The following MDGA2 variants were observed in gnomAD, a reference collection of about 807,000 sequenced individuals.
The protein encoded by MDGA2 is MAM domain containing glycosylphosphatidylinositol anchor 2.
MDGA2 carries 40 observed loss-of-function variants against 117.8 expected under a neutral mutation model. That is an observed-to-expected ratio of 0.34 (90% CI 0.26 to 0.44). The LOEUF is 0.44. Among genes scored for constraint, MDGA2 ranks in the 20% least tolerant of loss-of-function variants. The pLI is 1.00. For missense variants in MDGA2, 1,123 were observed against 1,250.6 expected, an observed-to-expected ratio of 0.90 and a Z score of 1.54; for synonymous variants, 452 against 439.0, an observed-to-expected ratio of 1.03 and a Z score of -0.37.
rs369951747 is a variant in MDGA2, at chr14:47,046,859, T to G, written c.1526-11555A>C. On this transcript the variant is annotated intron_variant, in intron 7 of 16. Coordinates refer to ENST00000399232, the MANE Select transcript of MDGA2 (RefSeq NM_001113498.3). ...CTTGCCTACTTGCTCTTAGAAATGGTGCCATGATTTATCCAAATACACTTA... is the reference window on the plus strand; with the variant it reads ...CTTGCCTACTTGCTCTTAGAAATGGGGCCATGATTTATCCAAATACACTTA... Among the ~76,000 whole-genome samples the G allele has an allele frequency of 3.3e-4, 50 of 152,152 alleles. No homozygotes were observed. In the East Asian group the frequency reaches 4.8e-3, roughly 15 times the overall value.
At chr14:47,402,267 C>G (rs1892165446) in intron 1 of MDGA2, among the ~76,000 whole-genome samples, 1 of 150,266 alleles carries the variant, frequency 6.7e-6, no homozygotes, top group South Asian at 2.2e-4. Context: ...CTATGTTTCA[C>G]AAACCTTATT....
At chr14:47,381,436 T>A (rs919895409) in intron 1 of MDGA2, among the ~76,000 whole-genome samples, 1 of 152,196 alleles carries the variant, frequency 6.6e-6, no homozygotes, top group African/African-American at 2.4e-5. Context: ...TGTTTGCAGA[T>A]GACATGATTG....
intron 1 of MDGA2, among the ~76,000 whole-genome samples, chr14:47,352,801 C>T (rs1029222220): frequency 1.3e-5 from 2 of 152,232 alleles, no homozygotes. Flanking sequence ...GAGGAGGGGA[C>T]ATGCTTTACT....
At chr14:46,931,823 T>G (rs1242806352) in intron 9 of MDGA2, among the ~76,000 whole-genome samples, 1 of 152,146 alleles carries the variant, frequency 6.6e-6, no homozygotes, top group East Asian at 1.9e-4. Flanking sequence ...GCACCCAGCC[T>G]ACTTTTGTTA....
chr14:47,265,367 A>G (rs950421146), intron 2 of MDGA2, among the ~76,000 whole-genome samples: 4 of 152,192 alleles, frequency 2.6e-5, no homozygotes, highest in Non-Finnish European at 5.9e-5. Context: ...CAGGCCATGA[A>G]GAGATGGCTC....
chr14:47,196,277 G>A (rs1261087974), intron 3 of MDGA2, among the ~76,000 whole-genome samples: 1 of 152,118 alleles, frequency 6.6e-6, no homozygotes, highest in Non-Finnish European at 1.5e-5. Context: ...CATATTATAG[G>A]AGAGTATAAG....
chr14:47,276,926 A>AG (rs1334419854), intron 2 of MDGA2, among the ~76,000 whole-genome samples: 2 of 152,162 alleles, frequency 1.3e-5, no homozygotes, highest in Non-Finnish European at 2.9e-5. Flanking sequence ...TAGCAGTCCT[A>AG]GGTTACTGTG....
intron 7 of MDGA2, among the ~76,000 whole-genome samples, chr14:47,043,999 G>A (rs182175504): frequency 3.4e-4 from 52 of 152,028 alleles, no homozygotes; most frequent in South Asian, 4.1e-4. Context: ...CATATGTAAC[G>A]AAAATGTCCT....
At chr14:46,885,239 T>C (rs1403906009) in intron 10 of MDGA2, among the ~76,000 whole-genome samples, 1 of 150,986 alleles carries the variant, frequency 6.6e-6, no homozygotes, top group Non-Finnish European at 1.5e-5. Flanking sequence ...TAATTAAATA[T>C]AAACTTTCAA....
intron 2 of MDGA2, among the ~76,000 whole-genome samples, chr14:47,272,516 T>C (rs1251208430): frequency 1.3e-5 from 2 of 152,170 alleles, no homozygotes; most frequent in Non-Finnish European, 2.9e-5. Context: ...CCTTCTAGGA[T>C]GGACCTGTTC....
chr14:47,294,482 A>G (rs1392457606), intron 2 of MDGA2, among the ~76,000 whole-genome samples: 1 of 152,112 alleles, frequency 6.6e-6, no homozygotes. Flanking sequence ...TTGAAAAAGT[A>G]TTAGTTATTT....
chr14:47,468,993 TTCTA>T (rs1416994814), intron 1 of MDGA2, among the ~76,000 whole-genome samples: 17 of 152,116 alleles, frequency 1.1e-4, no homozygotes, highest in Admixed American at 2.6e-4. Context: ...TATGATTCTA[TTCTA>T]TCTGATTGCT....
At chr14:47,126,232 A>G (rs932348705) in intron 5 of MDGA2, among the ~76,000 whole-genome samples, 2 of 152,092 alleles carry the variant, frequency 1.3e-5, no homozygotes, top group African/African-American at 4.8e-5. Flanking sequence ...TAATTTACCA[A>G]TCAAGAGGTA....
intron 7 of MDGA2, among the ~76,000 whole-genome samples, chr14:47,036,890 A>G (rs1303963072): frequency 1.3e-5 from 2 of 152,202 alleles, no homozygotes; most frequent in African/African-American, 2.4e-5. Context: ...TTATTGTTTA[A>G]AACACTAATT....
intron 1 of MDGA2, among the ~76,000 whole-genome samples, chr14:47,505,526 T>C (rs1894492582): frequency 6.6e-6 from 1 of 152,208 alleles, no homozygotes; most frequent in Non-Finnish European, 1.5e-5. Context: ...TGCATCACTA[T>C]GTACTCAAGT....
At chr14:47,437,940 G>A (rs1412997561) in intron 1 of MDGA2, among the ~76,000 whole-genome samples, 1 of 152,146 alleles carries the variant, frequency 6.6e-6, no homozygotes, top group Non-Finnish European at 1.5e-5. Flanking sequence ...CAAGTCTTAT[G>A]TGTGGTATCT....
intron 1 of MDGA2, among the ~76,000 whole-genome samples, chr14:47,404,684 G>C (rs993969185): frequency 5.3e-5 from 8 of 151,900 alleles, no homozygotes; most frequent in African/African-American, 1.5e-4. Context: ...TGTGGAGATA[G>C]GGTCTCACTA....
intron 14 of MDGA2, among the ~76,000 whole-genome samples, chr14:46,856,203 G>A (rs1217570350): frequency 6.6e-6 from 1 of 151,932 alleles, no homozygotes; most frequent in African/African-American, 2.4e-5. Flanking sequence ...GAGTTTCAGA[G>A]TCTTACATCT....
intron 1 of MDGA2, among the ~76,000 whole-genome samples, chr14:47,584,585 C>T (rs962986090): frequency 6.6e-6 from 1 of 151,746 alleles, no homozygotes; most frequent in Non-Finnish European, 1.5e-5. Context: ...GGCACTGATT[C>T]AGAAATTTAG....
Sources: allele counts gnomAD v4.1 joint callset (sites outside exome capture counted in the v4.1 genomes callset), GRCh38; gene constraint gnomAD v4.1.1; transcripts MANE v1.5; gene names NCBI Gene and HGNC (gene_info 2026-07-23, HGNC 2026-07-21).